SOX6: variants seen among roughly 807,000 people sequenced by gnomAD.
The protein encoded by SOX6 is SRY-box transcription factor 6, also known as transcription factor SOX-6.
Under a neutral mutation model 97.8 loss-of-function variants are expected in SOX6, and 11 were observed. The ratio of observed to expected loss-of-function variants is 0.11; its 90% CI spans 0.07 to 0.19. The LOEUF is 0.19. SOX6 is among the 10% of genes least tolerant of loss of function. The pLI is 1.00. For synonymous variants in SOX6, 360 were observed against 371.4 expected (o/e 0.97, Z 0.35); for missense variants, 810 against 1,039.5 (o/e 0.78, Z 3.04).
intron 9 of SOX6, among the ~76,000 whole-genome samples, chr11:16,058,240 T>A (rs1432135033): frequency 6.6e-6 from 1 of 152,154 alleles, no homozygotes; most frequent in Non-Finnish European, 1.5e-5. Context: ...CATTATATTT[T>A]TAAAGATACT....
At chr11:16,013,853 C>T (rs1374145928) in intron 13 of SOX6, among the ~76,000 whole-genome samples, 2 of 151,976 alleles carry the variant, frequency 1.3e-5, no homozygotes, top group Admixed American at 6.6e-5. Flanking sequence ...TGGCCCCAGG[C>T]TCTCACTAAA....
intron 3 of SOX6, among the ~76,000 whole-genome samples, chr11:16,262,909 A>C (rs1853946106): frequency 6.6e-6 from 1 of 151,996 alleles, no homozygotes; most frequent in South Asian, 2.1e-4. Context: ...TGACAGTTCC[A>C]AACCTAAAAA....
At chr11:16,630,034 A>C (rs1848682862) in intron 3 of SOX6, among the ~76,000 whole-genome samples, 2 of 152,116 alleles carry the variant, frequency 1.3e-5, no homozygotes, top group Non-Finnish European at 2.9e-5. Flanking sequence ...CTTTTCAAAT[A>C]ACCAGCTCTT....
chr11:16,217,648 C>A (rs866215782), intron 4 of SOX6, among the ~76,000 whole-genome samples: 1 of 152,060 alleles, frequency 6.6e-6, no homozygotes, highest in Non-Finnish European at 1.5e-5. Flanking sequence ...CAATAGAAGG[C>A]TAACATTTTA....
At chr11:16,591,459 T>C (rs1273168028) in intron 4 of SOX6, among the ~76,000 whole-genome samples, 2 of 152,110 alleles carry the variant, frequency 1.3e-5, no homozygotes, top group African/African-American at 2.4e-5. Flanking sequence ...AAAGGTGATA[T>C]TTTATCAAAT....
chr11:16,074,037 G>A (rs1050851399), intron 9 of SOX6, among the ~76,000 whole-genome samples: 3 of 151,766 alleles, frequency 2.0e-5, no homozygotes, highest in Admixed American at 6.6e-5. Context: ...ATATCCTAGA[G>A]GAACTAGAGA....
At position 16,132,326 on chromosome 11, in the gene SOX6, G is replaced by A. The variant is rs1474031242; in HGVS notation, c.778-20403C>T. 1.6e-3 allele frequency among the ~76,000 whole-genome samples: 104 copies of A among 66,216 alleles called. 1 individual carries two copies. The highest frequency in any genetic ancestry group is 2.5e-3 in the African/African-American group (45 of 17,974). The allele number at this position is 66,216 out of a possible 152,430, so 43.4% of individuals were successfully genotyped here. A position where few individuals can be genotyped will look rare whatever the true frequency, so the allele number is the denominator to read the frequency against. ...AGGAAGGAAGGAAGGAAGGAAGGAA[G>A]GAAGGAAAGAAAAAAGAAAGAAAGA... On this transcript the variant is annotated intron_variant, in intron 6 of 15. Coordinates refer to ENST00000683767, the MANE Select transcript of SOX6 (RefSeq NM_001367873.1).
At chr11:16,013,987 A>G (rs1374085628) in intron 13 of SOX6, among the ~76,000 whole-genome samples, 1 of 152,036 alleles carries the variant, frequency 6.6e-6, no homozygotes, top group Non-Finnish European at 1.5e-5. Context: ...TAAGCTAAAG[A>G]AGGACTTTAG....
chr11:16,310,422 C>T (rs1302130333), intron 3 of SOX6, among the ~76,000 whole-genome samples: 1 of 152,066 alleles, frequency 6.6e-6, no homozygotes, highest in Non-Finnish European at 1.5e-5. Flanking sequence ...CCCTAAATAT[C>T]ATTGTACAAA....
intron 12 of SOX6, among the ~76,000 whole-genome samples, chr11:16,042,717 T>G (rs973813811): frequency 6.6e-6 from 1 of 152,170 alleles, no homozygotes; most frequent in African/African-American, 2.4e-5. Flanking sequence ...ATTCTTTTAC[T>G]CTACAGTTTT....
chr11:16,238,466 T>A (rs553890693), intron 3 of SOX6, among the ~76,000 whole-genome samples: 1 of 152,086 alleles, frequency 6.6e-6, no homozygotes, highest in Non-Finnish European at 1.5e-5. Flanking sequence ...ATTAACTTAG[T>A]AATTAATTTT....
At chr11:16,215,856 T>A (rs1419534974) in intron 4 of SOX6, among the ~76,000 whole-genome samples, 1 of 152,208 alleles carries the variant, frequency 6.6e-6, no homozygotes, top group Admixed American at 6.5e-5. Context: ...TTTTTGTTGT[T>A]TGATTTTGGT....
chr11:16,231,083 A>AGATAT (rs1852833618), intron 4 of SOX6, among the ~76,000 whole-genome samples: 1 of 151,802 alleles, frequency 6.6e-6, no homozygotes, highest in African/African-American at 2.4e-5. Context: ...TAGCCAACTA[A>AGATAT]TTGGATGAAA....
chr11:16,172,675 C>T (rs1028350202), intron 6 of SOX6, among the ~76,000 whole-genome samples: 6 of 152,032 alleles, frequency 3.9e-5, no homozygotes, highest in African/African-American at 1.4e-4. Flanking sequence ...GAGTCAATTC[C>T]TGTCATCTAG....
At chr11:16,235,591 C>T (rs1284896120) in intron 3 of SOX6, among the ~76,000 whole-genome samples, 1 of 152,018 alleles carries the variant, frequency 6.6e-6, no homozygotes, top group Non-Finnish European at 1.5e-5. Flanking sequence ...AAGCATACTC[C>T]CATAAAACTT....
chr11:16,344,724 A>C (rs1215065927), intron 1 of SOX6, among the ~76,000 whole-genome samples: 5 of 151,956 alleles, frequency 3.3e-5, no homozygotes, highest in Non-Finnish European at 5.9e-5. Flanking sequence ...GAAAATCAAA[A>C]TCCTTGTGGA....
intron 4 of SOX6, among the ~76,000 whole-genome samples, chr11:16,563,235 G>GA (rs1000285818): frequency 4.7e-4 from 71 of 149,574 alleles, no homozygotes; most frequent in African/African-American, 1.3e-3. Flanking sequence ...AGAACCAAAT[G>GA]AAAAAAAAAC....
chr11:16,660,659 T>C lies in SOX6; in HGVS notation n.430-48399A>G, dbSNP rs181938753. Among the ~76,000 whole-genome samples, 7 of 152,348 alleles carry C rather than the reference T, an allele frequency of 4.6e-5. No homozygotes were observed. The East Asian group carries it at 1.3e-3, about 29-fold the overall frequency. On this transcript the variant is annotated intron_variant and non_coding_transcript_variant, in intron 3 of 5. Coordinates refer to the SOX6 transcript ENST00000524520. ...GAAATACTAACCCACAAGGTGATGG[T>C]ACTAGAGGTGGGGCTCTTTAGGAGA... is the stretch of plus-strand genomic sequence containing the variant.
chr11:16,598,699 TG>T (rs1243103917), intron 4 of SOX6, among the ~76,000 whole-genome samples: 1 of 151,982 alleles, frequency 6.6e-6, no homozygotes, highest in East Asian at 1.9e-4. Context: ...ATGGGGCTTG[TG>T]TGGCCTTGGA....
Sources: gnomAD v4.1 joint callset for allele counts (sites outside exome capture counted in the v4.1 genomes callset) on GRCh38, gnomAD v4.1.1 for gene constraint, MANE v1.5 for transcripts, NCBI Gene and HGNC (gene_info 2026-07-23, HGNC 2026-07-21) for gene names.